Variants in FBXO28 observed in about 807,000 individuals in gnomAD.
FBXO28 encodes F-box protein 28, also known as F-box only protein 28.
A neutral mutation model predicts 38.1 loss-of-function variants in FBXO28; 8 were observed. The ratio of observed to expected loss-of-function variants is 0.21; its 90% CI spans 0.12 to 0.38. The LOEUF (loss-of-function observed/expected upper bound fraction) is 0.38, where lower values mean the gene tolerates loss of function less well. Among genes scored for constraint, FBXO28 ranks in the 10% least tolerant of loss-of-function variants. FBXO28 has a pLI of 1.00. For synonymous variants in FBXO28, 168 were observed against 173.8 expected (o/e 0.97, Z 0.26); for missense variants, 345 against 460.6 (o/e 0.75, Z 2.30).
rs771040765 is a variant in FBXO28, at chr1:224,130,472, G to C, written c.268G>C (p.Val90Leu). Residue 90 changes from valine (V) to leucine (L), a missense_variant and splice_region_variant, in exon 2 of 5, where the codon GTT becomes CTT. Physicochemically the swap from Val to Leu is conservative, Grantham distance 32. Transcript: ENST00000366862. ...SYDEISQLRL[V>L]CKRMDLVCQR... ...TTTTTGTTCTTTTTTCTCCTTGAAGGTTTGTAAAAGAATGGACTTGGTCTG... is the reference window on the plus strand; with the variant it reads ...TTTTTGTTCTTTTTTCTCCTTGAAGCTTTGTAAAAGAATGGACTTGGTCTG... 2.5e-6 allele frequency: 4 copies of C among 1,609,456 alleles called. No homozygotes were observed. The South Asian group carries it at 4.4e-5, about 18-fold the overall frequency.
intron 1 of FBXO28, among the ~76,000 whole-genome samples, chr1:224,117,833 C>G (rs948057813): frequency 6.6e-6 from 1 of 152,010 alleles, no homozygotes; most frequent in Non-Finnish European, 1.5e-5. Flanking sequence ...CATGGTGAAA[C>G]CCCATCTCTA....
chr1:224,125,925 G>A (rs978521155), intron 1 of FBXO28, among the ~76,000 whole-genome samples: 5 of 152,050 alleles, frequency 3.3e-5, no homozygotes, highest in Non-Finnish European at 7.4e-5. Context: ...CACTGCTCCC[G>A]GCCATTCATT....
rs1657807226 is a variant in FBXO28, at chr1:224,157,844, T to G, written c.*98T>G. On this transcript the variant is annotated 3_prime_UTR_variant, in exon 5 of 5. Transcript: ENST00000366862. The stretch of plus-strand genomic sequence containing the variant: ...GTGAGCAACATGGTGTCCCTTAAGC[T>G]TCTAGGCTTTCAGAACACAACTTAA... 6.8e-7 allele frequency: 1 copy of G among 1,467,276 alleles called. No homozygotes were observed. The highest frequency in any genetic ancestry group is 9.0e-7 in the Non-Finnish European group (1 of 1,113,638). The allele number at this position is 1,467,276 out of a possible 1,614,324, so 90.9% of individuals were successfully genotyped here.
chr1:224,123,952 C>G (rs1290493126), intron 1 of FBXO28, among the ~76,000 whole-genome samples: 1 of 107,902 alleles, frequency 9.3e-6, no homozygotes, highest in Non-Finnish European at 2.0e-5. Context: ...CTACTAAAAA[C>G]ACAAAAAATT....
chr1:224,146,084 A>G (rs1035138593), intron 3 of FBXO28, among the ~76,000 whole-genome samples: 2 of 151,314 alleles, frequency 1.3e-5, no homozygotes, highest in Admixed American at 1.3e-4. Context: ...AAAAAAAAAA[A>G]TTATCCGGGC....
rs1657872525 is a variant in FBXO28, at chr1:224,160,137, G to A, written c.*2391G>A. On this transcript the variant is annotated 3_prime_UTR_variant, in exon 5 of 5. Transcript: ENST00000366862. ...GGATATTGCCTTCACCACTTGTTAG[G>A]ACAGTTATTTGATAGCCATTATGCT... 6.6e-6 allele frequency: 1 copy of A among 152,066 alleles called. No homozygotes were observed. The highest frequency in any genetic ancestry group is 2.4e-5 in the African/African-American group (1 of 41,410). The allele number at this position is 152,066 out of a possible 1,614,324, so 9.4% of individuals were successfully genotyped here.
chr1:224,152,156 T>C (rs555612565), intron 3 of FBXO28, among the ~76,000 whole-genome samples: 2 of 152,156 alleles, frequency 1.3e-5, no homozygotes, highest in African/African-American at 4.8e-5. Context: ...AAGGTTCACT[T>C]ACTGTTCCAG....
At chr1:224,114,906 T>TGGCTC (rs1281933201) in intron 1 of FBXO28, among the ~76,000 whole-genome samples, 1 of 152,204 alleles carries the variant, frequency 6.6e-6, no homozygotes, top group Non-Finnish European at 1.5e-5. Context: ...TAGACTAAGG[T>TGGCTC]GGCTCAGTGA....
At chr1:224,120,291 T>C (rs1003300286) in intron 1 of FBXO28, among the ~76,000 whole-genome samples, 3 of 152,362 alleles carry the variant, frequency 2.0e-5, no homozygotes, top group African/African-American at 7.2e-5. Flanking sequence ...ATCTTGGGCC[T>C]CTGCAAACAC....
At chr1:224,153,903 A>C (rs1261788248) in intron 4 of FBXO28, among the ~76,000 whole-genome samples, 1 of 149,654 alleles carries the variant, frequency 6.7e-6, no homozygotes, top group East Asian at 2.0e-4. Flanking sequence ...CCTGAGCAAC[A>C]AGAGCGAAAC....
chr1:224,139,614 G>A (rs796475737), intron 3 of FBXO28, among the ~76,000 whole-genome samples: 10 of 152,176 alleles, frequency 6.6e-5, no homozygotes, highest in African/African-American at 1.9e-4. Flanking sequence ...GGTGGCACAC[G>A]CCTGTAGTCC....
intron 4 of FBXO28, among the ~76,000 whole-genome samples, chr1:224,153,591 T>C (rs1463952200): frequency 6.6e-6 from 1 of 152,134 alleles, no homozygotes; most frequent in African/African-American, 2.4e-5. Flanking sequence ...TTTGCACATA[T>C]CCATATTGAC....
chr1:224,129,193 A>G (rs929876043), intron 1 of FBXO28, among the ~76,000 whole-genome samples: 1 of 152,024 alleles, frequency 6.6e-6, no homozygotes, highest in African/African-American at 2.4e-5. Context: ...ATACAAAATT[A>G]GCTGGGCGTG....
At chr1:224,142,900 C>G (rs1468046661) in intron 3 of FBXO28, among the ~76,000 whole-genome samples, 2 of 152,046 alleles carry the variant, frequency 1.3e-5, no homozygotes, top group Non-Finnish European at 2.9e-5. Context: ...GAGCCGAGAT[C>G]TTGCCACTGA....
chr1:224,147,778 C>A (rs1657544129), intron 3 of FBXO28, among the ~76,000 whole-genome samples: 1 of 148,696 alleles, frequency 6.7e-6, no homozygotes. Context: ...GTGGTCTTTC[C>A]ACTAGACCTC....
chr1:224,158,191 T>G lies in FBXO28; in HGVS notation c.*445T>G. 2.0e-6 allele frequency: 2 copies of G among 987,756 alleles called. No homozygotes were observed. The highest frequency in any genetic ancestry group is 2.4e-6 in the Non-Finnish European group (2 of 831,348). The allele number at this position is 987,756 out of a possible 1,614,324, so 61.2% of individuals were successfully genotyped here. On this transcript the variant is annotated 3_prime_UTR_variant, in exon 5 of 5. Coordinates refer to ENST00000366862, the MANE Select transcript of FBXO28 (RefSeq NM_015176.4). ...TGGTTCTTTTTTTTTTAAGTCATCT[T>G]TTTGTTATAAGTGACCTTTGTCTGG...
chr1:224,126,851 A>C (rs1285036348), intron 1 of FBXO28, among the ~76,000 whole-genome samples: 6 of 152,194 alleles, frequency 3.9e-5, no homozygotes, highest in Non-Finnish European at 8.8e-5. Flanking sequence ...AATAGTTTTA[A>C]TAACAAAACA....
intron 1 of FBXO28, among the ~76,000 whole-genome samples, chr1:224,115,051 C>T (rs1197433221): frequency 2.0e-5 from 3 of 152,168 alleles, no homozygotes; most frequent in African/African-American, 7.2e-5. Context: ...CGCTTCCCAC[C>T]GTAGAGAAGC....
At chr1:224,120,691 C>T (rs1045398632) in intron 1 of FBXO28, among the ~76,000 whole-genome samples, 5 of 151,936 alleles carry the variant, frequency 3.3e-5, no homozygotes, top group Admixed American at 1.3e-4. Flanking sequence ...GGTGAAACCC[C>T]GTCTATACCG....
Sources: allele counts gnomAD v4.1 joint callset (sites outside exome capture counted in the v4.1 genomes callset), GRCh38; gene constraint gnomAD v4.1.1; transcripts MANE v1.5; gene names NCBI Gene and HGNC (gene_info 2026-07-23, HGNC 2026-07-21).